LRP1B: variants seen among roughly 807,000 people sequenced by gnomAD.
The protein encoded by LRP1B is LDL receptor related protein 1B.
Under a neutral mutation model 556.6 loss-of-function variants are expected in LRP1B, and 217 were observed. That is an observed-to-expected ratio of 0.39 (90% CI 0.35 to 0.44). The LOEUF (loss-of-function observed/expected upper bound fraction) is 0.44, where lower values mean the gene tolerates loss of function less well. Among genes scored for constraint, LRP1B ranks in the 20% least tolerant of loss-of-function variants. The probability of loss-of-function intolerance (pLI) is 1.00; values close to 1 mark genes in which losing one functional copy is unlikely to be tolerated. For synonymous variants in LRP1B, 2,047 were observed against 1,865.8 expected (o/e 1.10, Z -2.50); for missense variants, 5,053 against 5,620.8 (o/e 0.90, Z 3.23).
chr2:141,011,207 A>G (rs918261329), intron 14 of LRP1B, among the ~76,000 whole-genome samples: 3 of 150,548 alleles, frequency 2.0e-5, no homozygotes, highest in Non-Finnish European at 3.0e-5. Flanking sequence ...CCATAGGGAA[A>G]AAAAAAAACA....
At chr2:140,968,503 G>GT (rs34542410) in intron 18 of LRP1B, among the ~76,000 whole-genome samples, 20,696 of 97,548 alleles carry the variant, frequency 0.21, 1,577 homozygotes, top group East Asian at 0.36. Flanking sequence ...ATTTTTTGCA[G>GT]TTTTTTTTTT....
intron 29 of LRP1B, among the ~76,000 whole-genome samples, chr2:140,849,079 G>A (rs1050719605): frequency 6.6e-6 from 1 of 151,740 alleles, no homozygotes; most frequent in African/African-American, 2.4e-5. Context: ...GAGGGAGGCC[G>A]GGCATGGTGG....
intron 1 of LRP1B, among the ~76,000 whole-genome samples, chr2:141,953,055 A>T (rs144747951): frequency 7.2e-5 from 11 of 152,218 alleles, no homozygotes; most frequent in African/African-American, 2.4e-4. Context: ...GAGGTATTCA[A>T]CAGAGACTTT....
intron 2 of LRP1B, among the ~76,000 whole-genome samples, chr2:141,693,687 T>G (rs1160011922): frequency 6.6e-6 from 1 of 152,056 alleles, no homozygotes; most frequent in Non-Finnish European, 1.5e-5. Flanking sequence ...ACAGATCATT[T>G]GTTTATTTCT....
chr2:141,079,718 G>A (rs191269448), intron 7 of LRP1B, among the ~76,000 whole-genome samples: 13 of 152,124 alleles, frequency 8.5e-5, no homozygotes, highest in African/African-American at 2.7e-4. Context: ...AATAATGTTA[G>A]TGCACTGGAT....
intron 1 of LRP1B, among the ~76,000 whole-genome samples, chr2:141,879,848 A>G (rs72849389): frequency 0.091 from 13,848 of 152,032 alleles, 692 homozygotes; most frequent in African/African-American, 0.14. Context: ...AAATTACTTT[A>G]TACTCCATTC....
intron 6 of LRP1B, among the ~76,000 whole-genome samples, chr2:141,191,870 G>C (rs887659886): frequency 1.3e-5 from 2 of 151,862 alleles, no homozygotes; most frequent in Non-Finnish European, 2.9e-5. Flanking sequence ...GTATGTGCCA[G>C]AGTCCATTCA....
At chr2:141,914,076 G>A (rs1302067067) in intron 1 of LRP1B, among the ~76,000 whole-genome samples, 2 of 151,990 alleles carry the variant, frequency 1.3e-5, no homozygotes, top group Non-Finnish European at 2.9e-5. Flanking sequence ...TACCAAGGAG[G>A]GCACAGCCTC....
chr2:141,877,310 T>G (rs1242831089), intron 1 of LRP1B, among the ~76,000 whole-genome samples: 1 of 152,004 alleles, frequency 6.6e-6, no homozygotes, highest in African/African-American at 2.4e-5. Context: ...CCCTAGTCAC[T>G]GGGTGCAATT....
chr2:140,338,066 AC>A (rs201883639), intron 77 of LRP1B, among the ~76,000 whole-genome samples: 2,629 of 149,928 alleles, frequency 0.018, 83 homozygotes, highest in African/African-American at 0.062. Flanking sequence ...GATTAGAAAA[AC>A]GAAAAAAAAA....
chr2:141,173,702 G>A (rs549061430), intron 7 of LRP1B, among the ~76,000 whole-genome samples: 16 of 152,152 alleles, frequency 1.1e-4, no homozygotes, highest in Middle Eastern at 3.4e-3. Context: ...AGGGTCATAA[G>A]GTTGGGTAAG....
intron 81 of LRP1B, 124 bp downstream of exon 81, chr2:140,323,769 A>C (rs1553447287): frequency 2.2e-6 from 1 of 452,482 alleles, no homozygotes; most frequent in Non-Finnish European, 3.9e-6. Flanking sequence ...CATCAAAATT[A>C]AAGTTACTTA....
intron 41 of LRP1B, among the ~76,000 whole-genome samples, chr2:140,623,261 A>T (rs1057307149): frequency 1.3e-5 from 2 of 152,202 alleles, no homozygotes; most frequent in Non-Finnish European, 2.9e-5. Context: ...TGTAACTACC[A>T]ATTTATTTAT....
intron 18 of LRP1B, among the ~76,000 whole-genome samples, chr2:140,961,725 T>C (rs1227897613): frequency 3.3e-5 from 5 of 152,140 alleles, no homozygotes; most frequent in Admixed American, 1.3e-4. Flanking sequence ...TATTATTTTC[T>C]ATAAAGCTGT....
At chr2:141,415,115 C>T (rs544439298) in intron 3 of LRP1B, among the ~76,000 whole-genome samples, 348 of 152,240 alleles carry the variant, frequency 2.3e-3, no homozygotes, top group Non-Finnish European at 2.2e-3. Flanking sequence ...CCCGGGTTCA[C>T]GCCATTCTCC....
intron 56 of LRP1B, among the ~76,000 whole-genome samples, chr2:140,494,733 T>A (rs1227407098): frequency 6.6e-6 from 1 of 151,818 alleles, no homozygotes; most frequent in African/African-American, 2.4e-5. Flanking sequence ...ATGTGTAAAG[T>A]TTTAACCCAT....
intron 1 of LRP1B, among the ~76,000 whole-genome samples, chr2:141,970,678 A>T (rs1384720185): frequency 1.3e-5 from 2 of 151,508 alleles, no homozygotes; most frequent in African/African-American, 4.8e-5. Flanking sequence ...ACCATAAAAA[A>T]CCATTCCTTC....
rs1336782748 is a variant in LRP1B at position 140,315,110 on chromosome 2, G to C, written c.12641-11C>G. On this transcript the variant is annotated splice_polypyrimidine_tract_variant and intron_variant, in intron 82 of 90. Transcript: ENST00000389484. ...ACTTACATGAATCATCTGTTTATGA[G>C]AAGAAATGTACAAATTAGCATGTTT... The C allele has an allele frequency of 1.9e-6, 3 of 1,582,576 alleles. No individual in the cohort carries two copies. Among genetic ancestry groups the C allele is most frequent in the Admixed American group, 3.5e-5 (2 of 57,554 alleles).
chr2:140,979,424 T>G (rs1412364457), intron 18 of LRP1B, among the ~76,000 whole-genome samples: 1 of 152,194 alleles, frequency 6.6e-6, no homozygotes, highest in East Asian at 1.9e-4. Flanking sequence ...AGACTTCTAA[T>G]TTCCTGATAA....
Sources: allele counts gnomAD v4.1 joint callset (sites outside exome capture counted in the v4.1 genomes callset), GRCh38; gene constraint gnomAD v4.1.1; transcripts MANE v1.5; gene names NCBI Gene and HGNC (gene_info 2026-07-23, HGNC 2026-07-21).